CNTN4: variants seen among roughly 807,000 people sequenced by gnomAD.
CNTN4 encodes the protein contactin 4.
CNTN4 carries 77 observed loss-of-function variants against 122.5 expected under a neutral mutation model. The observed-to-expected ratio is 0.63, with a 90% confidence interval of 0.52 to 0.76. The LOEUF (loss-of-function observed/expected upper bound fraction) is 0.76, where lower values mean the gene tolerates loss of function less well. Among genes scored for constraint, CNTN4 ranks in the 30% least tolerant of loss-of-function variants. The pLI is 0.00. For missense variants in CNTN4, 1,256 were observed against 1,259.1 expected (o/e 1.00, Z 0.04); for synonymous variants, 512 against 447.0 (o/e 1.15, Z -1.83).
intron 8 of CNTN4, among the ~76,000 whole-genome samples, chr3:2,868,633 G>T (rs183850804): frequency 4.3e-4 from 65 of 152,246 alleles, no homozygotes; most frequent in East Asian, 3.7e-3. Context: ...AAATAATTTA[G>T]ATTTTAACCA....
rs1267215158 is a variant in CNTN4, at chr3:2,523,450, T to C, written c.-88-47966T>C. On this transcript the variant is annotated intron_variant, in intron 3 of 24. Transcript: ENST00000418658. Reference sequence around the variant, plus strand: ...AGATAGAACAGTTTTTCAGAATCCATCAAGTGAAGGTACATTCAATGCTGT... The same window carrying C: ...AGATAGAACAGTTTTTCAGAATCCACCAAGTGAAGGTACATTCAATGCTGT... 2.0e-5 allele frequency among the ~76,000 whole-genome samples: 3 copies of C among 151,474 alleles called. No homozygotes were observed. The East Asian group carries it at 5.9e-4, about 30-fold the overall frequency.
intron 13 of CNTN4, among the ~76,000 whole-genome samples, chr3:2,964,653 G>A (rs1445824909): frequency 6.6e-6 from 1 of 152,134 alleles, no homozygotes; most frequent in African/African-American, 2.4e-5. Flanking sequence ...TAAGGAACTA[G>A]ATAACCCTGG....
At chr3:2,615,588 A>C (rs1002287249) in intron 4 of CNTN4, among the ~76,000 whole-genome samples, 1 of 152,340 alleles carries the variant, frequency 6.6e-6, no homozygotes, top group African/African-American at 2.4e-5. Context: ...TCTAAAAAAA[A>C]ACTTAGAGGG....
intron 10 of CNTN4, among the ~76,000 whole-genome samples, chr3:2,898,481 A>G (rs749807187): frequency 1.3e-5 from 2 of 152,150 alleles, no homozygotes; most frequent in Admixed American, 6.5e-5. Flanking sequence ...GAAGTGCTTA[A>G]CTAGTTAGAG....
At chr3:2,647,380 CATAAATAAATAAATAAATAA>C (rs10591988) in intron 4 of CNTN4, among the ~76,000 whole-genome samples, 2 of 150,556 alleles carry the variant, frequency 1.3e-5, no homozygotes, top group South Asian at 2.1e-4. Context: ...AAACTCATCT[CATAAATAAATAAATAAATAA>C]ATAAATAAAT....
At chr3:2,888,223 G>C (rs756321926) in intron 10 of CNTN4, among the ~76,000 whole-genome samples, 1 of 152,152 alleles carries the variant, frequency 6.6e-6, no homozygotes, top group East Asian at 1.9e-4. Flanking sequence ...TTGGCTAAGG[G>C]GGGGCCCAGA....
intron 4 of CNTN4, among the ~76,000 whole-genome samples, chr3:2,586,913 A>G (rs547496416): frequency 1.4e-3 from 206 of 152,022 alleles, no homozygotes; most frequent in Admixed American, 3.9e-3. Context: ...CTCCTGACCT[A>G]CTCTGGTATG....
At chr3:2,918,995 CA>C (rs1483498321) in intron 12 of CNTN4, among the ~76,000 whole-genome samples, 2 of 152,094 alleles carry the variant, frequency 1.3e-5, no homozygotes, top group East Asian at 3.9e-4. Flanking sequence ...TTATAATACA[CA>C]AAAGGGAAAG....
intron 2 of CNTN4, among the ~76,000 whole-genome samples, chr3:2,304,587 A>C (rs1352696814): frequency 6.6e-6 from 1 of 152,052 alleles, no homozygotes; most frequent in Non-Finnish European, 1.5e-5. Context: ...AATTTAGATG[A>C]AACACTGTTG....
At chr3:2,627,660 A>ATT (rs574105704) in intron 4 of CNTN4, among the ~76,000 whole-genome samples, 1 of 151,470 alleles carries the variant, frequency 6.6e-6, no homozygotes, top group Non-Finnish European at 1.5e-5. Flanking sequence ...CGCCTGGCTA[A>ATT]TTTTTTGTAT....
chr3:2,901,924 G>A (rs948770844), intron 11 of CNTN4, among the ~76,000 whole-genome samples: 1 of 152,164 alleles, frequency 6.6e-6, no homozygotes, highest in African/African-American at 2.4e-5. Flanking sequence ...CCTTGCTTGA[G>A]GATCAGCCTC....
At chr3:2,310,505 C>A (rs1575339571) in intron 2 of CNTN4, among the ~76,000 whole-genome samples, 1 of 152,136 alleles carries the variant, frequency 6.6e-6, no homozygotes, top group Admixed American at 6.6e-5. Context: ...ACATTTGCAG[C>A]ATAAGGGACC....
At chr3:2,231,457 A>G (rs903323879) in intron 2 of CNTN4, among the ~76,000 whole-genome samples, 3 of 152,334 alleles carry the variant, frequency 2.0e-5, no homozygotes, top group South Asian at 2.1e-4. Context: ...CTAACTGGCT[A>G]TTCATCTCAC....
chr3:2,642,512 A>G (rs2082940390), intron 4 of CNTN4, among the ~76,000 whole-genome samples: 1 of 152,296 alleles, frequency 6.6e-6, no homozygotes, highest in Middle Eastern at 3.4e-3. Flanking sequence ...CATAAATTAT[A>G]TAGACTATCT....
intron 12 of CNTN4, among the ~76,000 whole-genome samples, chr3:2,922,062 A>C (rs887182365): frequency 6.6e-6 from 1 of 152,190 alleles, no homozygotes; most frequent in Non-Finnish European, 1.5e-5. Context: ...GCCCTCTAGC[A>C]GTGCATGTGA....
chr3:2,490,545 A>G (rs1171047693), intron 3 of CNTN4, among the ~76,000 whole-genome samples: 2 of 152,226 alleles, frequency 1.3e-5, no homozygotes, highest in African/African-American at 4.8e-5. Context: ...GTCTCCGGGT[A>G]TGGTGGAAAT....
chr3:2,231,109 G>T (rs568300696), intron 2 of CNTN4, among the ~76,000 whole-genome samples: 1 of 152,142 alleles, frequency 6.6e-6, no homozygotes, highest in Admixed American at 6.5e-5. Context: ...AATCATTTTA[G>T]TTAACACAAT....
intron 6 of CNTN4, among the ~76,000 whole-genome samples, chr3:2,788,133 A>G (rs1392977442): frequency 6.6e-6 from 1 of 152,136 alleles, no homozygotes; most frequent in African/African-American, 2.4e-5. Context: ...ATATACCATC[A>G]CATCATCATC....
intron 6 of CNTN4, among the ~76,000 whole-genome samples, chr3:2,751,842 CA>C (rs918167816): frequency 2.0e-5 from 3 of 151,992 alleles, no homozygotes; most frequent in Non-Finnish European, 4.4e-5. Flanking sequence ...TACAAATCCT[CA>C]TTTTTTTTTA....
Sources: gnomAD v4.1 joint callset for allele counts (sites outside exome capture counted in the v4.1 genomes callset) on GRCh38, gnomAD v4.1.1 for gene constraint, MANE v1.5 for transcripts, NCBI Gene and HGNC (gene_info 2026-07-23, HGNC 2026-07-21) for gene names.